Variants in EML6 observed in about 807,000 individuals in gnomAD.
The protein encoded by EML6 is EMAP like 6.
In EML6, 154 loss-of-function variants were observed where a neutral mutation model predicts 240.1. The ratio of observed to expected loss-of-function variants is 0.64; its 90% CI spans 0.56 to 0.73. EML6 has a LOEUF of 0.73. EML6 is among the 30% of genes least tolerant of loss of function. EML6 has a pLI of 0.00. For missense variants in EML6, 2,964 were observed against 2,474.6 expected (o/e 1.20, Z -4.20); for synonymous variants, 1,148 against 899.0 (o/e 1.28, Z -4.95).
chr2:54,843,028 G>C (rs973813719), intron 7 of EML6, among the ~76,000 whole-genome samples: 1 of 152,142 alleles, frequency 6.6e-6, no homozygotes, highest in African/African-American at 2.4e-5. Context: ...TATTAAACTT[G>C]TTTAATATGA....
At chr2:54,960,055 G>A (rs1676423692) in intron 34 of EML6, among the ~76,000 whole-genome samples, 165 bp from the exon 35 acceptor site, 1 of 152,232 alleles carries the variant, frequency 6.6e-6, no homozygotes, top group Non-Finnish European at 1.5e-5. Context: ...TAGCACCAGG[G>A]CCTAAGAGAG....
chr2:54,823,401 GCTCATGATATGTT>G (rs1218740986), intron 5 of EML6, among the ~76,000 whole-genome samples: 17 of 152,182 alleles, frequency 1.1e-4, no homozygotes, highest in African/African-American at 4.1e-4. Context: ...TGGGTCCTTG[GCTCATGATATGTT>G]CCAAGATTAC....
chr2:54,959,376 C>A, intron 34 of EML6, 115 bp downstream of exon 34: 1 of 1,031,940 alleles, frequency 9.7e-7, no homozygotes, highest in Non-Finnish European at 1.4e-6. Context: ...ATCTTTTTTG[C>A]ATTAGGAAGA....
intron 26 of EML6, among the ~76,000 whole-genome samples, chr2:54,927,535 T>A (rs1214455770): frequency 6.6e-6 from 1 of 152,116 alleles, no homozygotes; most frequent in Non-Finnish European, 1.5e-5. Flanking sequence ...GCTGCAGCTG[T>A]TTTTGCCAGG....
Position 54,922,920 on chromosome 2 carries a change from C to G in EML6, c.3676-5393C>G, listed in dbSNP as rs546609147. 5.1e-5 allele frequency among the ~76,000 whole-genome samples: 7 copies of G among 137,862 alleles called. No homozygotes were observed. In the South Asian group the frequency reaches 1.4e-3, roughly 28 times the overall value. 90.4% of individuals were successfully genotyped at this position (137,862 alleles called of 152,430 possible). ...TGGGTGGAAATGGGGAGATGTTGGT[C>G]AAAGGGTATAAACTTTTTTTTTTTT... On this transcript the variant is annotated intron_variant, in intron 26 of 41. Transcript: ENST00000356458.
At chr2:54,873,677 T>C (rs1029881792) in intron 16 of EML6, among the ~76,000 whole-genome samples, 2 of 146,598 alleles carry the variant, frequency 1.4e-5, no homozygotes, top group Non-Finnish European at 3.0e-5. Flanking sequence ...CAGACAAATA[T>C]ATGTATACTT....
At position 54,820,741 on chromosome 2, in the gene EML6, G is replaced by T. The variant is rs548007973; in HGVS notation, c.525+279G>T. Among the ~76,000 whole-genome samples, 5 of 152,262 alleles carry T rather than the reference G, an allele frequency of 3.3e-5. No individual in the cohort carries two copies. The South Asian group carries it at 1.0e-3, about 32-fold the overall frequency. On this transcript the variant is annotated intron_variant, in intron 5 of 41. Coordinates refer to ENST00000356458, the MANE Select transcript of EML6 (RefSeq NM_001039753.4). ...ATCGAACTGAAGACTCATAATACTT[G>T]TGGGATTGCATGTTTTAAAACAGTG... is the stretch of plus-strand genomic sequence containing the variant.
In EML6 at chr2:54,962,878, C is replaced by G. The variant is rs138489149; in HGVS notation, c.5157+167C>G. On this transcript the variant is annotated intron_variant, in intron 36 of 41. Coordinates refer to ENST00000356458, the MANE Select transcript of EML6 (RefSeq NM_001039753.4). ...AAAAGAAGCCCCACTCACCACACCCCGTCTAAACAATATAATTGAGAAGGA... is the reference window on the plus strand; with the variant it reads ...AAAAGAAGCCCCACTCACCACACCCGGTCTAAACAATATAATTGAGAAGGA... 3.8e-4 allele frequency among the ~76,000 whole-genome samples: 58 copies of G among 152,230 alleles called. No individual in the cohort carries two copies. The South Asian group carries it at 0.011, about 29-fold the overall frequency.
intron 2 of EML6, among the ~76,000 whole-genome samples, chr2:54,727,492 T>G (rs989198595): frequency 6.6e-6 from 1 of 152,256 alleles, no homozygotes; most frequent in Non-Finnish European, 1.5e-5. Flanking sequence ...CTTTTTCTGG[T>G]GAAGACACTG....
At chr2:54,792,629 C>A (rs1477907585) in intron 2 of EML6, among the ~76,000 whole-genome samples, 1 of 152,142 alleles carries the variant, frequency 6.6e-6, no homozygotes, top group African/African-American at 2.4e-5. Flanking sequence ...TCAAAACTCA[C>A]AGAACTGTAC....
chr2:54,727,758 C>T (rs905504086), intron 2 of EML6, among the ~76,000 whole-genome samples: 1 of 152,138 alleles, frequency 6.6e-6, no homozygotes, highest in Non-Finnish European at 1.5e-5. Flanking sequence ...ATAGCTTTTG[C>T]ATTAGTTTGA....
intron 2 of EML6, among the ~76,000 whole-genome samples, chr2:54,802,636 C>G (rs527387080): frequency 4.1e-5 from 6 of 147,156 alleles, no homozygotes; most frequent in Admixed American, 1.4e-4. Flanking sequence ...ACTACTACTA[C>G]TACTACTACT....
chr2:54,876,821 T>G (rs1671530768), intron 16 of EML6, among the ~76,000 whole-genome samples: 1 of 152,144 alleles, frequency 6.6e-6, no homozygotes, highest in African/African-American at 2.4e-5. Context: ...CTCAAACATT[T>G]ATCATTTCTT....
rs544730904 is a variant in EML6, at chr2:54,806,813, C to G, written c.198-6419C>G. ...GTACCTACTTTCTTTGAGGTAGGTA[C>G]TGTTGTTATTCCCATTCTTATGGAT... On this transcript the variant is annotated intron_variant, in intron 2 of 41. Transcript: ENST00000356458. 2.2e-4 allele frequency among the ~76,000 whole-genome samples: 33 copies of G among 151,972 alleles called. 1 individual carries two copies. Among genetic ancestry groups the G allele is most frequent in the African/African-American group, 6.8e-4 (28 of 41,450 alleles).
At position 54,962,546 on chromosome 2, in the gene EML6, A is replaced by C; in HGVS notation, c.4992A>C (p.Lys1664Asn). ...RGKGKILVGTKDGEIIEVGEK... is the reference protein window; with the variant it reads ...RGKGKILVGTNDGEIIEVGEK... Reference sequence around the variant, plus strand: ...AGGGAAAAATCTTAGTGGGAACCAAAGACGGAGAAATAATTGAAGTTGGTG... The same window carrying C: ...AGGGAAAAATCTTAGTGGGAACCAACGACGGAGAAATAATTGAAGTTGGTG... Residue 1664 changes from lysine (K) to asparagine (N), a missense_variant, in exon 36 of 42, where the codon AAA becomes AAC. By Grantham distance (94) the Lys-to-Asn change is moderately conservative. Coordinates refer to ENST00000356458, the MANE Select transcript of EML6 (RefSeq NM_001039753.4). The C allele has an allele frequency of 6.5e-7, 1 of 1,547,836 alleles. No homozygotes were observed. Among genetic ancestry groups the C allele is most frequent in the Non-Finnish European group, 8.7e-7 (1 of 1,145,324 alleles).
chr2:54,828,568 G>A (rs1009913125), intron 6 of EML6, among the ~76,000 whole-genome samples: 1 of 152,170 alleles, frequency 6.6e-6, no homozygotes, highest in African/African-American at 2.4e-5. Context: ...TTAGAGCTAT[G>A]ACATTTCAGA....
chr2:54,889,808 A>T (rs1006521253), intron 17 of EML6, among the ~76,000 whole-genome samples: 2 of 152,206 alleles, frequency 1.3e-5, no homozygotes, highest in Non-Finnish European at 2.9e-5. Context: ...ACGATGTTAA[A>T]TGGTAGTGGT....
intron 26 of EML6, among the ~76,000 whole-genome samples, 184 bp from the exon 27 acceptor site, chr2:54,928,129 C>G (rs1674654725): frequency 6.6e-6 from 1 of 152,182 alleles, no homozygotes; most frequent in Non-Finnish European, 1.5e-5. Flanking sequence ...CTATTGTGAG[C>G]TGGGTACTGT....
chr2:54,831,432 T>A (rs544706406), intron 7 of EML6, among the ~76,000 whole-genome samples: 20 of 152,086 alleles, frequency 1.3e-4, no homozygotes, highest in African/African-American at 4.6e-4. Context: ...TGAATGAGGA[T>A]CTGTGTAACC....
Sources: gnomAD v4.1 joint callset for allele counts (sites outside exome capture counted in the v4.1 genomes callset) on GRCh38, gnomAD v4.1.1 for gene constraint, MANE v1.5 for transcripts, NCBI Gene and HGNC (gene_info 2026-07-23, HGNC 2026-07-21) for gene names.